The following OTUD7A variants were observed in gnomAD, a reference collection of about 807,000 sequenced individuals.
OTUD7A encodes OTU domain-containing protein 7A.
In OTUD7A, 12 loss-of-function variants were observed where a neutral mutation model predicts 65.7. That is an observed-to-expected ratio of 0.18 (90% CI 0.12 to 0.30). The LOEUF (loss-of-function observed/expected upper bound fraction) is 0.30. OTUD7A is among the 10% of genes least tolerant of loss of function. The probability of loss-of-function intolerance (pLI) is 1.00; values close to 1 mark genes in which losing one functional copy is unlikely to be tolerated. For missense variants in OTUD7A, 1,148 were observed against 1,304.8 expected (o/e 0.88, Z 1.85); for synonymous variants, 641 against 586.3 (o/e 1.09, Z -1.35).
Position 31,476,468 on chromosome 15 carries a change from G to A in OTUD7A, c.*6826C>T, listed in dbSNP as rs2041020958. The stretch of plus-strand genomic sequence containing the variant: ...GGAGACCTTCACGGACACCTGCCAT[G>A]GAGAAAGTTTGCATGGGCCAAGGGG... On this transcript the variant is annotated 3_prime_UTR_variant, in exon 13 of 13. Coordinates refer to ENST00000307050, the MANE Select transcript of OTUD7A (RefSeq NM_001382637.1). 6.6e-6 allele frequency: 1 copy of A among 152,334 alleles called. No homozygotes were observed. Among genetic ancestry groups the A allele is most frequent in the African/African-American group, 2.4e-5 (1 of 41,462 alleles). The allele number at this position is 152,334 out of a possible 1,614,324, so 9.4% of individuals were successfully genotyped here.
intron 1 of OTUD7A, among the ~76,000 whole-genome samples, chr15:31,760,936 G>GT (rs958913410): frequency 2.6e-5 from 4 of 151,406 alleles, no homozygotes; most frequent in East Asian, 1.9e-4. Flanking sequence ...TTGTTTTTTT[G>GT]TTTTTTTAAC....
chr15:31,695,319 T>C (rs1398199656), intron 1 of OTUD7A, among the ~76,000 whole-genome samples: 1 of 139,628 alleles, frequency 7.2e-6, no homozygotes, highest in Non-Finnish European at 1.6e-5. Flanking sequence ...TACATGGTAG[T>C]TCTAGTTTTA....
intron 1 of OTUD7A, among the ~76,000 whole-genome samples, chr15:31,866,094 CT>C (rs1287435393): frequency 6.6e-6 from 1 of 152,230 alleles, no homozygotes; most frequent in Non-Finnish European, 1.5e-5. Context: ...GTATTTAAAA[CT>C]TGTATTAGCA....
At chr15:31,559,704 TAC>T (rs1888626605) in intron 4 of OTUD7A, among the ~76,000 whole-genome samples, 2 of 152,176 alleles carry the variant, frequency 1.3e-5, no homozygotes, top group South Asian at 4.1e-4. Flanking sequence ...GCACATACAC[TAC>T]AGACTATACA....
At chr15:31,832,069 C>G (rs1442068468) in intron 1 of OTUD7A, among the ~76,000 whole-genome samples, 1 of 152,162 alleles carries the variant, frequency 6.6e-6, no homozygotes, top group Non-Finnish European at 1.5e-5. Flanking sequence ...CACGGCTCAT[C>G]TCATTTGTGC....
intron 6 of OTUD7A, 126 bp from the exon 7 acceptor site, chr15:31,527,434 C>T: frequency 1.6e-6 from 2 of 1,267,080 alleles, no homozygotes; most frequent in Non-Finnish European, 2.2e-6. Flanking sequence ...AGCCTCCTTA[C>T]TCAGCGGTTC....
At chr15:31,744,673 G>C (rs1008132654) in intron 1 of OTUD7A, among the ~76,000 whole-genome samples, 8 of 152,110 alleles carry the variant, frequency 5.3e-5, no homozygotes, top group African/African-American at 1.9e-4. Context: ...CTTAATACTT[G>C]TACAAAAGAT....
At chr15:31,592,904 A>AAAAAAATATATATAT (rs1416029921) in intron 3 of OTUD7A, among the ~76,000 whole-genome samples, 1 of 59,386 alleles carries the variant, frequency 1.7e-5, no homozygotes, top group African/African-American at 8.0e-5. Flanking sequence ...AAAAAAAAAA[A>AAAAAAATATATATAT]ATATATATAT....
intron 3 of OTUD7A, among the ~76,000 whole-genome samples, chr15:31,626,250 G>T (rs1890947608): frequency 6.6e-6 from 1 of 152,162 alleles, no homozygotes; most frequent in South Asian, 2.1e-4. Flanking sequence ...AACATTTAAG[G>T]TGAAATGTAA....
chr15:31,820,306 C>T (rs1322049117), intron 1 of OTUD7A, among the ~76,000 whole-genome samples: 3 of 152,192 alleles, frequency 2.0e-5, no homozygotes, highest in Non-Finnish European at 4.4e-5. Flanking sequence ...CACCCACACA[C>T]CATTTGCCTT....
intron 3 of OTUD7A, among the ~76,000 whole-genome samples, chr15:31,645,714 T>C (rs1285291668): frequency 6.6e-6 from 1 of 152,264 alleles, no homozygotes; most frequent in African/African-American, 2.4e-5. Context: ...ATTCAAATAA[T>C]GTGCATACAT....
intron 1 of OTUD7A, among the ~76,000 whole-genome samples, chr15:31,755,633 A>G (rs1374905267): frequency 1.3e-5 from 2 of 151,884 alleles, no homozygotes; most frequent in African/African-American, 4.8e-5. Flanking sequence ...GAGGCAGGAG[A>G]ATGGTGTGAA....
Position 31,483,423 on chromosome 15 carries a change from C to A in OTUD7A, c.2673G>T (p.Gly891=). The A allele has an allele frequency of 1.5e-6, 2 of 1,371,042 alleles. No homozygotes were observed. Among genetic ancestry groups the A allele is most frequent in the Non-Finnish European group, 1.9e-6 (2 of 1,061,944 alleles). The allele number at this position is 1,371,042 out of a possible 1,614,324, so 84.9% of individuals were successfully genotyped here. A position where few individuals can be genotyped will look rare whatever the true frequency, so the allele number is the denominator to read the frequency against. Residue 891 remains glycine, a synonymous_variant, in exon 13 of 13, where the codon GGG becomes GGT. Coordinates refer to ENST00000307050, the MANE Select transcript of OTUD7A (RefSeq NM_001382637.1). ...SNGECGRGGP[G]PVQRRCQREN... ...CGCGCTGGCAGCGCCGCTGCACCGG[C>A]CCCGGGCCGCCACGGCCGCACTCAC...
chr15:31,479,718 T>TG lies in OTUD7A; in HGVS notation c.*3575dup, dbSNP rs2041088170. ...CCCCAGAGACAGGGCGGGCTCTGCATGGAGGATGTCCACACCCTGAGGTGT... is the reference window on the plus strand; with the variant it reads ...CCCCAGAGACAGGGCGGGCTCTGCATGGGAGGATGTCCACACCCTGAGGTGT... On this transcript the variant is annotated 3_prime_UTR_variant, in exon 13 of 13. Transcript: ENST00000307050. The TG allele has an allele frequency of 6.7e-6, 1 of 149,318 alleles. No individual in the cohort carries two copies. The highest frequency in any genetic ancestry group is 2.5e-5 in the African/African-American group (1 of 40,162). The allele number at this position is 149,318 out of a possible 1,614,324, so 9.2% of individuals were successfully genotyped here. A position where few individuals can be genotyped will look rare whatever the true frequency, so the allele number is the denominator to read the frequency against.
intron 8 of OTUD7A, among the ~76,000 whole-genome samples, chr15:31,507,610 G>A (rs921037571): frequency 2.1e-5 from 3 of 142,204 alleles, no homozygotes; most frequent in Admixed American, 7.3e-5. Context: ...AACAGGACCC[G>A]AGCAGGTTGC....
intron 3 of OTUD7A, among the ~76,000 whole-genome samples, chr15:31,637,715 A>C (rs1891385190): frequency 6.6e-6 from 1 of 152,250 alleles, no homozygotes; most frequent in African/African-American, 2.4e-5. Flanking sequence ...ATCAACATTA[A>C]CAGGAGTTTG....
chr15:31,668,615 G>C (rs1892393421), intron 1 of OTUD7A, among the ~76,000 whole-genome samples: 1 of 152,078 alleles, frequency 6.6e-6, no homozygotes, highest in African/African-American at 2.4e-5. Flanking sequence ...TCCCTGATTA[G>C]CTTAATAACT....
intron 4 of OTUD7A, among the ~76,000 whole-genome samples, chr15:31,569,218 T>C (rs1888969872): frequency 1.3e-5 from 2 of 152,192 alleles, no homozygotes; most frequent in African/African-American, 4.8e-5. Context: ...AGCACCAGTA[T>C]GTAAGATTAG....
At chr15:31,771,032 C>G (rs1895221516) in intron 1 of OTUD7A, among the ~76,000 whole-genome samples, 2 of 152,198 alleles carry the variant, frequency 1.3e-5, no homozygotes, top group South Asian at 4.1e-4. Context: ...TCATGGTCCA[C>G]ATTGTACCAG....
Sources: gnomAD v4.1 joint callset for allele counts (sites outside exome capture counted in the v4.1 genomes callset) on GRCh38, gnomAD v4.1.1 for gene constraint, MANE v1.5 for transcripts, NCBI Gene and HGNC (gene_info 2026-07-23, HGNC 2026-07-21) for gene names.